Variants in CNTNAP5 observed in about 807,000 individuals in gnomAD.
CNTNAP5 encodes the protein contactin associated protein family member 5, also known as contactin-associated protein-like 5.
In CNTNAP5, 72 loss-of-function variants were observed where a neutral mutation model predicts 150.2. The observed-to-expected ratio is 0.48, with a 90% confidence interval of 0.40 to 0.58. The LOEUF (loss-of-function observed/expected upper bound fraction) is 0.58, where lower values mean the gene tolerates loss of function less well. CNTNAP5 is among the 20% of genes least tolerant of loss of function. The pLI is 0.00. For missense variants in CNTNAP5, 1,636 were observed against 1,626.2 expected (o/e 1.01, Z -0.10); for synonymous variants, 672 against 619.8 (o/e 1.08, Z -1.25).
At chr2:124,192,201 C>A (rs1301235390) in intron 1 of CNTNAP5, among the ~76,000 whole-genome samples, 1 of 152,114 alleles carries the variant, frequency 6.6e-6, no homozygotes, top group Non-Finnish European at 1.5e-5. Context: ...TGTGGGGCTC[C>A]GTCCATGGGA....
rs939538466 is a variant in CNTNAP5, at chr2:124,184,218, G to A, written c.83-37487G>A. Among the ~76,000 whole-genome samples, 2 of 152,228 alleles carry A rather than the reference G, an allele frequency of 1.3e-5. 1 individual carries two copies. Among genetic ancestry groups the A allele is most frequent in the South Asian group, 4.1e-4 (2 of 4,826 alleles). ...GCTGAATTATATTATAGGAACATTG[G>A]ATTCGTATATCTGAAAGAATGGAAG... On this transcript the variant is annotated intron_variant, in intron 1 of 23. Coordinates refer to ENST00000682447, the MANE Select transcript of CNTNAP5 (RefSeq NM_001367498.1).
At chr2:124,820,536 AG>A (rs113420502) in intron 19 of CNTNAP5, among the ~76,000 whole-genome samples, 7 of 149,562 alleles carry the variant, frequency 4.7e-5, no homozygotes, top group Admixed American at 2.6e-4. Flanking sequence ...CACAAAGGAA[AG>A]GGGGGGGAGA....
intron 13 of CNTNAP5, among the ~76,000 whole-genome samples, chr2:124,731,752 GTA>G (rs1463248296): frequency 2.0e-5 from 3 of 151,832 alleles, no homozygotes; most frequent in Admixed American, 6.6e-5. Context: ...GTGTGTATGT[GTA>G]TATGAGTGTG....
At chr2:124,626,463 C>A (rs1334193906) in intron 12 of CNTNAP5, among the ~76,000 whole-genome samples, 3 of 152,110 alleles carry the variant, frequency 2.0e-5, no homozygotes, top group Admixed American at 6.6e-5. Flanking sequence ...CACCTGGGAG[C>A]TGCACTGAGT....
chr2:124,387,956 G>A (rs1184855069), intron 3 of CNTNAP5, among the ~76,000 whole-genome samples: 2 of 152,148 alleles, frequency 1.3e-5, no homozygotes, highest in African/African-American at 4.8e-5. Context: ...AGGAGTGAGG[G>A]AAAATGGGAT....
chr2:124,714,141 T>C (rs1480563299), intron 13 of CNTNAP5, among the ~76,000 whole-genome samples: 1 of 152,168 alleles, frequency 6.6e-6, no homozygotes, highest in African/African-American at 2.4e-5. Flanking sequence ...TTCCATGCAT[T>C]ATGAAATACT....
intron 3 of CNTNAP5, among the ~76,000 whole-genome samples, chr2:124,404,383 C>A (rs1691514661): frequency 6.6e-6 from 1 of 151,068 alleles, no homozygotes; most frequent in Admixed American, 6.6e-5. Flanking sequence ...ACAGTGAATT[C>A]ACAGAATCCA....
Position 124,597,496 on chromosome 2 carries a change from T to C in CNTNAP5, c.1757-12305T>C, listed in dbSNP as rs576273668. Among the ~76,000 whole-genome samples, 986 of 150,778 alleles carry C rather than the reference T, an allele frequency of 6.5e-3. 8 individuals carry two copies. Among genetic ancestry groups the C allele is most frequent in the Non-Finnish European group, 9.9e-3 (671 of 67,584 alleles). ...CCCACTCTCTTCTGGCTTGTAGGGT[T>C]TCTGCCAAGAGATCCGCTGTTAGTC... On this transcript the variant is annotated intron_variant, in intron 11 of 23. Transcript: ENST00000682447.
intron 1 of CNTNAP5, among the ~76,000 whole-genome samples, chr2:124,186,103 G>C (rs922727279): frequency 3.9e-5 from 6 of 152,104 alleles, no homozygotes; most frequent in African/African-American, 1.4e-4. Context: ...TGGGCCTTAG[G>C]GTCCTGAGTG....
At chr2:124,127,787 C>G (rs1348308329) in intron 1 of CNTNAP5, among the ~76,000 whole-genome samples, 1 of 152,138 alleles carries the variant, frequency 6.6e-6, no homozygotes, top group Non-Finnish European at 1.5e-5. Flanking sequence ...TTTGACAAAT[C>G]TGTCAAAACT....
chr2:124,775,258 TA>T (rs1445086376), intron 17 of CNTNAP5, among the ~76,000 whole-genome samples: 1 of 152,122 alleles, frequency 6.6e-6, no homozygotes, highest in Admixed American at 6.5e-5. Context: ...GTTCAATAAA[TA>T]TATAGATAAA....
rs911400430 is a variant in CNTNAP5, at chr2:124,160,407, A to G, written c.83-61298A>G. On this transcript the variant is annotated intron_variant, in intron 1 of 23. Coordinates refer to ENST00000682447, the MANE Select transcript of CNTNAP5 (RefSeq NM_001367498.1). ...ATCTACAGTGGTGGAAAGAAATGGG[A>G]TAACATTAAGGTGATCAGATCAACA... Among the ~76,000 whole-genome samples, 60 of 151,910 alleles carry G rather than the reference A, an allele frequency of 3.9e-4. 1 individual carries two copies. Among genetic ancestry groups the G allele is most frequent in the African/African-American group, 1.3e-3 (55 of 41,196 alleles).
intron 12 of CNTNAP5, among the ~76,000 whole-genome samples, chr2:124,632,545 G>A (rs1056544137): frequency 2.6e-5 from 4 of 151,642 alleles, no homozygotes; most frequent in Non-Finnish European, 4.4e-5. Context: ...ACTTATTGGG[G>A]CCTGTTAGGG....
chr2:124,247,036 A>G (rs1238102686), intron 3 of CNTNAP5, among the ~76,000 whole-genome samples: 1 of 152,044 alleles, frequency 6.6e-6, no homozygotes, highest in Non-Finnish European at 1.5e-5. Context: ...GTTTTCTCAC[A>G]CAGAGGTCAA....
At chr2:124,566,301 T>C (rs551749176) in intron 11 of CNTNAP5, among the ~76,000 whole-genome samples, 1 of 152,324 alleles carries the variant, frequency 6.6e-6, no homozygotes, top group Admixed American at 6.5e-5. Context: ...CCCGTGACTG[T>C]TAAAGCTTAT....
Position 124,920,078 on chromosome 2 carries a change from T to C in CNTNAP5, c.*5790T>C, listed in dbSNP as rs1196535707. On this transcript the variant is annotated 3_prime_UTR_variant, in exon 24 of 24. Transcript: ENST00000682447. ...TCTAACACCATCTGGGAACACTATT[T>C]TTTCTCAGTCCTTCCAGTTGACACA... Among the ~76,000 whole-genome samples, 2 of 152,118 alleles carry C rather than the reference T, an allele frequency of 1.3e-5. No homozygotes were observed. The highest frequency in any genetic ancestry group is 4.8e-5 in the African/African-American group (2 of 41,438).
chr2:124,611,527 A>G (rs913709952), intron 12 of CNTNAP5, among the ~76,000 whole-genome samples: 3 of 152,200 alleles, frequency 2.0e-5, no homozygotes, highest in African/African-American at 4.8e-5. Flanking sequence ...TGGTTGTGGT[A>G]ACCTATAGTG....
chr2:124,555,711 G>A (rs1048726998), intron 10 of CNTNAP5, among the ~76,000 whole-genome samples: 10 of 152,122 alleles, frequency 6.6e-5, no homozygotes, highest in African/African-American at 2.4e-4. Context: ...ACTTACACAG[G>A]CTCAGGACAC....
Position 124,798,278 on chromosome 2 carries a change from T to G in CNTNAP5, c.3175T>G (p.Ser1059Ala), listed in dbSNP as rs1478934628. Residue 1059 changes from serine (S) to alanine (A), a missense_variant, in exon 19 of 24, where the codon TCT (serine) becomes GCT (alanine). Ser to Ala is a moderately conservative substitution (Grantham distance 99). Coordinates refer to ENST00000682447, the MANE Select transcript of CNTNAP5 (RefSeq NM_001367498.1). ...ACCCAGTCTTTTGCTCTTTATCAAT[T>G]CTTCTTCTCAGGACTTCGTGGTTGT... The part of the protein sequence containing the change: ...QAPSLLLFIN[S>A]SSQDFVVVLL... The G allele has an allele frequency of 6.2e-7, 1 of 1,613,878 alleles. No homozygotes were observed. The highest frequency in any genetic ancestry group is 8.5e-7 in the Non-Finnish European group (1 of 1,179,786).
Sources: gnomAD v4.1 joint callset for allele counts (sites outside exome capture counted in the v4.1 genomes callset) on GRCh38, gnomAD v4.1.1 for gene constraint, MANE v1.5 for transcripts, NCBI Gene and HGNC (gene_info 2026-07-23, HGNC 2026-07-21) for gene names.